The following LINGO2 variants were observed in gnomAD, a reference collection of about 807,000 sequenced individuals.
The protein encoded by LINGO2 is leucine rich repeat and Ig domain containing 2.
In LINGO2, 14 loss-of-function variants were observed where a neutral mutation model predicts 30.6. The ratio of observed to expected loss-of-function variants is 0.46; its 90% CI spans 0.30 to 0.72. The LOEUF is 0.72. Among genes scored for constraint, LINGO2 ranks in the 30% least tolerant of loss-of-function variants. LINGO2 has a pLI of 0.07. For missense variants in LINGO2, 729 were observed against 751.7 expected, an observed-to-expected ratio of 0.97 and a Z score of 0.35; for synonymous variants, 317 against 288.5, an observed-to-expected ratio of 1.10 and a Z score of -1.00.
chr9:28,642,168 A>G (rs1312615543), intron 1 of LINGO2, among the ~76,000 whole-genome samples: 1 of 152,048 alleles, frequency 6.6e-6, no homozygotes, highest in Non-Finnish European at 1.5e-5. Context: ...AATATCTTCA[A>G]TATACTGTAA....
intron 2 of LINGO2, among the ~76,000 whole-genome samples, chr9:28,381,184 G>A (rs1431055518): frequency 6.6e-6 from 1 of 151,888 alleles, no homozygotes; most frequent in East Asian, 1.9e-4. Flanking sequence ...AGTGTGGAAG[G>A]TAACTTCAGA....
At chr9:28,821,679 C>G in the LINGO2 span, among the ~76,000 whole-genome samples, 1 of 152,176 alleles carries the variant, frequency 6.6e-6, no homozygotes, top group African/African-American at 2.4e-5. Flanking sequence ...TATACTTGCT[C>G]TGGCAGCCCA....
At chr9:28,122,473 A>G (rs1360458629) in intron 4 of LINGO2, among the ~76,000 whole-genome samples, 2 of 152,194 alleles carry the variant, frequency 1.3e-5, no homozygotes, top group Non-Finnish European at 2.9e-5. Context: ...TGTTTTGTCT[A>G]TAAGAAAATA....
the LINGO2 span, among the ~76,000 whole-genome samples, chr9:29,155,226 A>G: frequency 3.6e-4 from 55 of 152,320 alleles, no homozygotes; most frequent in African/African-American, 1.3e-3. Context: ...TCTTGGCACA[A>G]AATGATGTGT....
At chr9:27,955,574 T>C (rs900448607) in intron 5 of LINGO2, among the ~76,000 whole-genome samples, 4 of 152,210 alleles carry the variant, frequency 2.6e-5, no homozygotes, top group African/African-American at 9.6e-5. Context: ...TATATACTCT[T>C]ATGTCCAGCA....
chr9:27,964,976 G>T (rs374450185), intron 5 of LINGO2, among the ~76,000 whole-genome samples: 1 of 152,104 alleles, frequency 6.6e-6, no homozygotes, highest in Middle Eastern at 3.2e-3. Flanking sequence ...CTCTGGAAAT[G>T]CAGAGCAATC....
intron 4 of LINGO2, among the ~76,000 whole-genome samples, chr9:28,221,826 T>G (rs1820976388): frequency 6.6e-6 from 1 of 152,200 alleles, no homozygotes; most frequent in African/African-American, 2.4e-5. Context: ...ATCCATGACT[T>G]TAAGATATAT....
At chr9:28,466,431 CAG>C (rs1186165491) in intron 2 of LINGO2, among the ~76,000 whole-genome samples, 2 of 151,810 alleles carry the variant, frequency 1.3e-5, no homozygotes, top group African/African-American at 4.8e-5. Flanking sequence ...GTTCATGAGA[CAG>C]AGAGTAGATG....
chr9:28,968,179 G>A, the LINGO2 span, among the ~76,000 whole-genome samples: 1 of 151,992 alleles, frequency 6.6e-6, no homozygotes, highest in Non-Finnish European at 1.5e-5. Flanking sequence ...CACAGACATC[G>A]GTACAAAATT....
At chr9:29,117,377 C>G in the LINGO2 span, among the ~76,000 whole-genome samples, 5 of 152,134 alleles carry the variant, frequency 3.3e-5, no homozygotes, top group Non-Finnish European at 7.3e-5. Context: ...CCACCATAGT[C>G]AATTTTATAT....
At chr9:28,891,532 A>C in the LINGO2 span, among the ~76,000 whole-genome samples, 1 of 151,956 alleles carries the variant, frequency 6.6e-6, no homozygotes, top group African/African-American at 2.4e-5. Context: ...ATAATCCTGA[A>C]AAATCTACTA....
At chr9:28,821,582 C>T in the LINGO2 span, among the ~76,000 whole-genome samples, 2 of 151,988 alleles carry the variant, frequency 1.3e-5, no homozygotes, top group Admixed American at 6.6e-5. Flanking sequence ...CAAAACAGAA[C>T]GTTGTGAAAA....
chr9:28,151,114 C>A (rs1827987699), intron 4 of LINGO2, among the ~76,000 whole-genome samples: 1 of 152,150 alleles, frequency 6.6e-6, no homozygotes, highest in Non-Finnish European at 1.5e-5. Flanking sequence ...TACAAGTTCA[C>A]TTACTATGAT....
chr9:28,559,395 A>G (rs964726864), intron 1 of LINGO2, among the ~76,000 whole-genome samples: 1 of 152,078 alleles, frequency 6.6e-6, no homozygotes, highest in Non-Finnish European at 1.5e-5. Context: ...GAAACAATGC[A>G]TTTTGTTTTG....
chr9:28,122,353 C>G (rs950664432), intron 4 of LINGO2, among the ~76,000 whole-genome samples: 1 of 152,132 alleles, frequency 6.6e-6, no homozygotes, highest in Admixed American at 6.5e-5. Context: ...TGTATATAAA[C>G]ACACGGATTA....
the LINGO2 span, among the ~76,000 whole-genome samples, chr9:28,878,737 C>A: frequency 1.3e-5 from 2 of 152,094 alleles, no homozygotes; most frequent in African/African-American, 2.4e-5. Flanking sequence ...AAGACAAAAA[C>A]CACATGATTA....
intron 2 of LINGO2, among the ~76,000 whole-genome samples, chr9:28,390,404 T>C (rs147099160): frequency 9.9e-4 from 151 of 152,300 alleles, no homozygotes; most frequent in African/African-American, 3.3e-3. Flanking sequence ...TTAATAATTA[T>C]CTAGTTATAT....
chr9:28,084,577 C>A (rs1000286875), intron 4 of LINGO2, among the ~76,000 whole-genome samples: 4 of 152,048 alleles, frequency 2.6e-5, no homozygotes, highest in Admixed American at 2.0e-4. Flanking sequence ...GGTAGACTTT[C>A]TTATTCCTAT....
At chr9:28,318,759 A>C (rs1824932875) in intron 3 of LINGO2, among the ~76,000 whole-genome samples, 3 of 152,174 alleles carry the variant, frequency 2.0e-5, no homozygotes. Context: ...AAGACCTAAG[A>C]TTACTATTGG....
Sources: allele counts gnomAD v4.1 joint callset (sites outside exome capture counted in the v4.1 genomes callset), GRCh38; gene constraint gnomAD v4.1.1; transcripts MANE v1.5; gene names NCBI Gene and HGNC (gene_info 2026-07-23, HGNC 2026-07-21).